PHACTR2: variants seen among roughly 807,000 people sequenced by gnomAD.
The protein encoded by PHACTR2 is phosphatase and actin regulator 2, also known as chromosome 6 open reading frame 56.
PHACTR2 carries 30 observed loss-of-function variants against 76.0 expected under a neutral mutation model. The ratio of observed to expected loss-of-function variants is 0.39; its 90% CI spans 0.30 to 0.54. PHACTR2 has a LOEUF of 0.54. PHACTR2 is among the 20% of genes least tolerant of loss of function. The pLI is 0.61. For synonymous variants in PHACTR2, 292 were observed against 292.5 expected, an observed-to-expected ratio of 1.00 and a Z score of 0.02; for missense variants, 696 against 781.1, an observed-to-expected ratio of 0.89 and a Z score of 1.30.
At chr6:143,600,232 C>T (rs1017044998) in intron 1 of PHACTR2, among the ~76,000 whole-genome samples, 1 of 152,214 alleles carries the variant, frequency 6.6e-6, no homozygotes, top group African/African-American at 2.4e-5. Context: ...GCTGTATATT[C>T]CTGAAGCAGC....
At chr6:143,744,328 A>G (rs1037083208) in intron 2 of PHACTR2, among the ~76,000 whole-genome samples, 1 of 152,106 alleles carries the variant, frequency 6.6e-6, no homozygotes. Context: ...ATGATTAGCT[A>G]TTTTCTTTTA....
At chr6:143,614,112 C>T (rs1379268645) in intron 1 of PHACTR2, among the ~76,000 whole-genome samples, 2 of 152,116 alleles carry the variant, frequency 1.3e-5, no homozygotes, top group African/African-American at 4.8e-5. Context: ...GTTCCAGCTA[C>T]TTGGATGCCT....
chr6:143,829,022 T>C lies in PHACTR2; in HGVS notation c.*5333T>C, dbSNP rs1383458911. On this transcript the variant is annotated 3_prime_UTR_variant, in exon 13 of 13. Transcript: ENST00000440869. ...ATTTCTTTGGGCCCTGAATGGTTTT[T>C]CTCCCTTCATTTTTCGAGCCTTTCT... 2 of 152,122 alleles carry C rather than the reference T, an allele frequency of 1.3e-5. No homozygotes were observed. The highest frequency in any genetic ancestry group is 6.6e-5 in the Admixed American group (1 of 15,262). 9.4% of individuals were successfully genotyped at this position (152,122 alleles called of 1,614,324 possible). A position where few individuals can be genotyped will look rare whatever the true frequency, so the allele number is the denominator to read the frequency against.
In PHACTR2 at chr6:143,662,025, T is replaced by A. The variant is rs567581511; in HGVS notation, c.14-49991T>A. Among the ~76,000 whole-genome samples, 4 of 152,334 alleles carry A rather than the reference T, an allele frequency of 2.6e-5. No individual in the cohort carries two copies. In the East Asian group the frequency reaches 7.7e-4, roughly 29 times the overall value. On this transcript the variant is annotated intron_variant, in intron 1 of 11. Coordinates refer to the PHACTR2 transcript ENST00000305766. The surrounding 1 kb of genome is among the most constrained non-coding windows in gnomAD (Gnocchi z 4.7). Reference sequence around the variant, plus strand: ...TATATGTACTTCTTAATTGTGTGATTACATGATTTCTCCCTGAATAAATCT... The same window carrying A: ...TATATGTACTTCTTAATTGTGTGATAACATGATTTCTCCCTGAATAAATCT...
chr6:143,735,257 C>A (rs748820263), intron 2 of PHACTR2, among the ~76,000 whole-genome samples: 2 of 151,264 alleles, frequency 1.3e-5, no homozygotes, highest in Non-Finnish European at 1.5e-5. Flanking sequence ...TAAGACAGGG[C>A]GTAAGAGGCT....
rs1775915229 is a variant in PHACTR2, at chr6:143,608,325, G to A, written c.13+3G>A. 6.2e-7 allele frequency: 1 copy of A among 1,613,960 alleles called. No homozygotes were observed. The highest frequency in any genetic ancestry group is 1.3e-5 in the African/African-American group (1 of 74,934). ...CTCCTGAGACATGGACAACGCCGGTGGGTAAATCAAGCATGAATTCTTCAT... is the reference window on the plus strand; with the variant it reads ...CTCCTGAGACATGGACAACGCCGGTAGGTAAATCAAGCATGAATTCTTCAT... On this transcript the variant is annotated splice_donor_region_variant and intron_variant, in intron 1 of 11. Transcript: ENST00000305766. This position sits in a 1 kb window ranked among gnomAD's most constrained non-coding sequence, Gnocchi z 4.6.
chr6:143,682,276 C>T (rs565211354), intron 1 of PHACTR2, among the ~76,000 whole-genome samples: 7 of 152,230 alleles, frequency 4.6e-5, no homozygotes, highest in Admixed American at 3.3e-4. Flanking sequence ...TGCAGTGGTG[C>T]GATCATGGCT....
chr6:143,603,413 T>TAAA (rs540737549), upstream of PHACTR2, among the ~76,000 whole-genome samples: 1 of 139,350 alleles, frequency 7.2e-6, no homozygotes, highest in Non-Finnish European at 1.6e-5. Flanking sequence ...TGCTCTGCCT[T>TAAA]AAAAAAAAAA....
chr6:143,798,067 AT>A (rs1339326267), intron 11 of PHACTR2, among the ~76,000 whole-genome samples: 1 of 152,056 alleles, frequency 6.6e-6, no homozygotes, highest in Non-Finnish European at 1.5e-5. Context: ...GTCCTCTCTT[AT>A]TTCCTTGAGC....
intron 1 of PHACTR2, among the ~76,000 whole-genome samples, chr6:143,705,786 A>G (rs1458339106): frequency 6.6e-6 from 1 of 152,116 alleles, no homozygotes; most frequent in African/African-American, 2.4e-5. Context: ...ATCCCTGGCT[A>G]AGGTCCTGTT....
chr6:143,677,960 C>G (rs1777283780), upstream of PHACTR2: 1 of 1,286,562 alleles, frequency 7.8e-7, no homozygotes, highest in African/African-American at 1.6e-5. Context: ...AGAGGAATGA[C>G]AGGCATCCGC....
rs1037036009 is a variant in PHACTR2 at position 143,825,281 on chromosome 6, C to T, written c.*1592C>T. 2.6e-5 allele frequency: 4 copies of T among 152,204 alleles called. No individual in the cohort carries two copies. The highest frequency in any genetic ancestry group is 4.4e-5 in the Non-Finnish European group (3 of 68,006). 9.4% of individuals were successfully genotyped at this position (152,204 alleles called of 1,614,324 possible). The stretch of plus-strand genomic sequence containing the variant: ...TCAACCGAAAAGTAAGCATTTAACC[C>T]GGTGAATAAATGTAGATCCTGCCAT... On this transcript the variant is annotated 3_prime_UTR_variant, in exon 13 of 13. Transcript: ENST00000440869. This position sits in a 1 kb window ranked among gnomAD's most constrained non-coding sequence, Gnocchi z 4.1.
intron 1 of PHACTR2, among the ~76,000 whole-genome samples, chr6:143,568,565 A>T (rs1775395990): frequency 6.6e-6 from 1 of 152,242 alleles, no homozygotes; most frequent in Non-Finnish European, 1.5e-5. Context: ...AGCAAGAGGA[A>T]TCACTAAAGC....
In PHACTR2 at chr6:143,581,198, C is replaced by T. The variant is rs1459088613; in HGVS notation, c.217+43991C>T. 2.6e-5 allele frequency among the ~76,000 whole-genome samples: 4 copies of T among 152,146 alleles called. No individual in the cohort carries two copies. The East Asian group carries it at 5.8e-4, about 22-fold the overall frequency. The stretch of plus-strand genomic sequence containing the variant: ...AACTTTACCCTTGTTCTCAAGTCTC[C>T]GTGTGGACAGGGGATGAGGGTTACC... On this transcript the variant is annotated intron_variant, in intron 1 of 11. Transcript: ENST00000367584. The surrounding 1 kb of genome is among the most constrained non-coding windows in gnomAD (Gnocchi z 4.5).
intron 1 of PHACTR2, among the ~76,000 whole-genome samples, chr6:143,590,579 G>A (rs1459186091): frequency 6.6e-6 from 1 of 151,306 alleles, no homozygotes; most frequent in Non-Finnish European, 1.5e-5. Flanking sequence ...GCAATCACAA[G>A]TGGGTGCTAT....
At chr6:143,702,626 A>G (rs913225468) in intron 1 of PHACTR2, among the ~76,000 whole-genome samples, 13 of 152,234 alleles carry the variant, frequency 8.5e-5, no homozygotes, top group Non-Finnish European at 1.8e-4. Flanking sequence ...TTCCTTATAT[A>G]TAGGGCTTTA....
chr6:143,803,484 G>A lies in PHACTR2; in HGVS notation c.1846-3573G>A, dbSNP rs1776005827. On this transcript the variant is annotated intron_variant, in intron 11 of 12. Coordinates refer to ENST00000440869, the MANE Select transcript of PHACTR2 (RefSeq NM_001100164.2). This position sits in a 1 kb window ranked among gnomAD's most constrained non-coding sequence, Gnocchi z 4.7. The stretch of plus-strand genomic sequence containing the variant: ...AATTGTTTGAACCCAGGAGGCAGAG[G>A]TTGCAGTGAGCTGAGATCACGCCAC... Among the ~76,000 whole-genome samples the A allele has an allele frequency of 6.6e-6, 1 of 152,134 alleles. No homozygotes were observed. Among genetic ancestry groups the A allele is most frequent in the Non-Finnish European group, 1.5e-5 (1 of 68,026 alleles).
chr6:143,564,370 T>C (rs1286357806), intron 1 of PHACTR2, among the ~76,000 whole-genome samples: 1 of 151,728 alleles, frequency 6.6e-6, no homozygotes, highest in Admixed American at 6.6e-5. Context: ...TTTGCAAGGC[T>C]GAGACACATA....
intron 10 of PHACTR2, among the ~76,000 whole-genome samples, chr6:143,788,524 A>C (rs538960696): frequency 6.6e-6 from 1 of 152,322 alleles, no homozygotes; most frequent in African/African-American, 2.4e-5. Flanking sequence ...GGAAAATAGC[A>C]TAATGCAGGT....
Sources: gnomAD v4.1 joint callset for allele counts (sites outside exome capture counted in the v4.1 genomes callset) on GRCh38, gnomAD v4.1.1 for gene constraint, Gnocchi (gnomAD v3.1) non-coding constraint, MANE v1.5 for transcripts, NCBI Gene and HGNC (gene_info 2026-07-23, HGNC 2026-07-21) for gene names.